DNM3: variants seen among roughly 807,000 people sequenced by gnomAD.
The protein encoded by DNM3 is dynamin 3.
In DNM3, 47 loss-of-function variants were observed where a neutral mutation model predicts 101.6. The ratio of observed to expected loss-of-function variants is 0.46; its 90% confidence interval spans 0.37 to 0.59. The LOEUF is 0.59. DNM3 is among the 20% of genes least tolerant of loss of function. The pLI is 0.00. For missense variants in DNM3, 849 were observed against 1,085.7 expected (o/e 0.78, Z 3.06); for synonymous variants, 385 against 387.9 (o/e 0.99, Z 0.09).
Position 172,409,338 on chromosome 1 carries a change from A to G in DNM3, c.*1497A>G, listed in dbSNP as rs1341338604. On this transcript the variant is annotated 3_prime_UTR_variant, in exon 21 of 21. Coordinates refer to ENST00000627582, the MANE Select transcript of DNM3 (RefSeq NM_015569.5). ...TTAACTTAACTTTAATTTCCTGTGT[A>G]GTTTACACCCAGAGCAGATACTCAT... 19 of 985,162 alleles carry G rather than the reference A, an allele frequency of 1.9e-5. No homozygotes were observed. The highest frequency in any genetic ancestry group is 2.3e-5 in the Non-Finnish European group (19 of 829,794). 61.0% of individuals were successfully genotyped at this position (985,162 alleles called of 1,614,324 possible). A position where few individuals can be genotyped will look rare whatever the true frequency, so the allele number is the denominator to read the frequency against.
At chr1:172,174,585 G>T (rs2059086674) in intron 14 of DNM3, among the ~76,000 whole-genome samples, 2 of 151,674 alleles carry the variant, frequency 1.3e-5, no homozygotes, top group Non-Finnish European at 3.0e-5. Context: ...CAGTGTTAGA[G>T]TTGGTGTTGT....
chr1:171,970,216 C>CA, intron 2 of DNM3: 1 of 579,674 alleles, frequency 1.7e-6, no homozygotes, highest in Non-Finnish European at 2.2e-6. Context: ...AATCCAATAA[C>CA]AAACTCAGAA....
chr1:172,132,903 G>A, intron 14 of DNM3: 2 of 1,037,546 alleles, frequency 1.9e-6, no homozygotes, highest in South Asian at 1.4e-5. Context: ...TTTAGTCTTG[G>A]CGAGGATAAC....
intron 1 of DNM3, among the ~76,000 whole-genome samples, chr1:171,866,597 G>A (rs1571318740): frequency 6.6e-6 from 1 of 151,892 alleles, no homozygotes; most frequent in East Asian, 1.9e-4. Flanking sequence ...TAGAAGAATT[G>A]GTAAATTGAA....
At chr1:171,969,453 G>T (rs1026553451) in intron 2 of DNM3, among the ~76,000 whole-genome samples, 2 of 152,160 alleles carry the variant, frequency 1.3e-5, no homozygotes, top group African/African-American at 4.8e-5. Context: ...GTGAACAAAA[G>T]TTGTCTTATT....
intron 4 of DNM3, among the ~76,000 whole-genome samples, chr1:172,009,139 T>A (rs1440992494): frequency 1.5e-5 from 2 of 130,728 alleles, no homozygotes; most frequent in African/African-American, 3.0e-5. Context: ...ATATTTATAT[T>A]ATATATATTA....
intron 17 of DNM3, among the ~76,000 whole-genome samples, chr1:172,334,203 G>A (rs1387682599): frequency 6.6e-6 from 1 of 152,148 alleles, no homozygotes; most frequent in Non-Finnish European, 1.5e-5. Context: ...TGTACTGAAT[G>A]GATACCACTT....
intron 14 of DNM3, among the ~76,000 whole-genome samples, chr1:172,229,761 C>T (rs1283900344): frequency 6.6e-6 from 1 of 152,072 alleles, no homozygotes; most frequent in Non-Finnish European, 1.5e-5. Context: ...CACACACACA[C>T]ACACATACAT....
At chr1:171,916,627 A>G (rs1409553429) in intron 1 of DNM3, among the ~76,000 whole-genome samples, 1 of 152,184 alleles carries the variant, frequency 6.6e-6, no homozygotes, top group Admixed American at 6.5e-5. Flanking sequence ...TGAATGACAT[A>G]CACCGGCTAC....
chr1:172,036,562 T>C (rs1221778709), intron 6 of DNM3, among the ~76,000 whole-genome samples: 1 of 152,106 alleles, frequency 6.6e-6, no homozygotes, highest in Non-Finnish European at 1.5e-5. Context: ...CCCTATTTAA[T>C]AAATGGTGCT....
chr1:172,276,153 G>A (rs2063277754), intron 15 of DNM3, among the ~76,000 whole-genome samples: 1 of 152,062 alleles, frequency 6.6e-6, no homozygotes, highest in South Asian at 2.1e-4. Flanking sequence ...TTGGTAGGGT[G>A]TCCTAATTTA....
intron 15 of DNM3, among the ~76,000 whole-genome samples, chr1:172,258,070 A>G (rs1279052544): frequency 1.3e-5 from 2 of 152,260 alleles, no homozygotes; most frequent in African/African-American, 4.8e-5. Context: ...TTGACTTAAC[A>G]TAGTGATTTC....
At chr1:171,857,094 T>G (rs553881278) in intron 1 of DNM3, among the ~76,000 whole-genome samples, 3 of 152,028 alleles carry the variant, frequency 2.0e-5, no homozygotes, top group Non-Finnish European at 4.4e-5. Flanking sequence ...TGGGGCCCTA[T>G]GGAGGATTGC....
intron 2 of DNM3, among the ~76,000 whole-genome samples, chr1:171,955,625 A>G (rs1296219159): frequency 6.6e-6 from 1 of 152,200 alleles, no homozygotes; most frequent in African/African-American, 2.4e-5. Context: ...TATTGTGGGA[A>G]TATGGAGGAG....
intron 14 of DNM3, among the ~76,000 whole-genome samples, chr1:172,198,183 T>G (rs1014148840): frequency 1.3e-5 from 2 of 152,034 alleles, no homozygotes; most frequent in Non-Finnish European, 2.9e-5. Context: ...TTTTGTCTAG[T>G]TTTGTTTATG....
chr1:172,241,811 T>C (rs975138323), intron 14 of DNM3, among the ~76,000 whole-genome samples: 2 of 152,176 alleles, frequency 1.3e-5, no homozygotes, highest in East Asian at 3.9e-4. Context: ...GACTCATTTT[T>C]TGAAACAAAG....
At chr1:172,080,784 C>A (rs1402447667) in intron 11 of DNM3, among the ~76,000 whole-genome samples, 1 of 152,206 alleles carries the variant, frequency 6.6e-6, no homozygotes, top group Non-Finnish European at 1.5e-5. Flanking sequence ...TCCTGGTCTG[C>A]AGGTTGCGAA....
At chr1:172,328,840 CATTT>C (rs1176566936) in intron 17 of DNM3, among the ~76,000 whole-genome samples, 1 of 151,948 alleles carries the variant, frequency 6.6e-6, no homozygotes, top group African/African-American at 2.4e-5. Context: ...TGAGTTTATT[CATTT>C]ATTTATTTAT....
intron 1 of DNM3, among the ~76,000 whole-genome samples, chr1:171,847,451 T>G (rs1056048299): frequency 6.6e-6 from 1 of 152,104 alleles, no homozygotes; most frequent in South Asian, 2.1e-4. Flanking sequence ...AGTTTCTGAG[T>G]TGACAACAAG....
Sources: allele counts gnomAD v4.1 joint callset (sites outside exome capture counted in the v4.1 genomes callset), GRCh38; gene constraint gnomAD v4.1.1; transcripts MANE v1.5; gene names NCBI Gene and HGNC (gene_info 2026-07-23, HGNC 2026-07-21).